The following MAGEB16 variants were observed in gnomAD, a reference collection of about 807,000 sequenced individuals.
MAGEB16 encodes the protein MAGE family member B16.
For synonymous variants in MAGEB16, 95 were observed against 92.1 expected (o/e 1.03, Z -0.18); for missense variants, 217 against 234.0 (o/e 0.93, Z 0.47).
Position 35,802,114 on chromosome X carries a change from C to CT in MAGEB16, c.-66-14dup, listed in dbSNP as rs759751118. On this transcript the variant is annotated splice_polypyrimidine_tract_variant and intron_variant, in intron 1 of 1. Coordinates refer to ENST00000399988, the Ensembl canonical transcript of MAGEB16. The stretch of plus-strand genomic sequence containing the variant: ...TTTACCAGCTGAGGACATTTACACC[C>CT]TTTCTCTCTCCCTTAGGCAGTGATT... 1.1e-5 allele frequency: 13 copies of CT among 1,148,189 alleles called. 1 individual carries two copies. In the South Asian group the frequency reaches 2.5e-4, roughly 22 times the overall value. The allele number at this position is 1,148,189 out of a possible 1,213,427, so 94.6% of individuals were successfully genotyped here.
chrX:35,802,944 A>C (rs1385600034), exon 2 of MAGEB16: 3 of 1,212,028 alleles, frequency 2.5e-6, no homozygotes. Context: ...CAGAATGCTC[A>C]TCACCAAAGA....
At chrX:35,802,187 A>G in exon 2 of MAGEB16, 1 of 1,210,964 alleles carries the variant, frequency 8.3e-7, no homozygotes, top group Non-Finnish European at 1.1e-6. Context: ...TGCCACCCAC[A>G]AGGGTCATCA....
chrX:35,799,375 G>A (rs1452142092), intron 1 of MAGEB16, among the ~76,000 whole-genome samples: 1 of 111,421 alleles, frequency 9.0e-6, no homozygotes, highest in Admixed American at 9.5e-5. Flanking sequence ...TTACCAACTA[G>A]TTTCCAATAT....
exon 2 of MAGEB16, chrX:35,802,436 A>C (rs1934871999): frequency 8.3e-7 from 1 of 1,207,189 alleles, no homozygotes; most frequent in African/African-American, 1.8e-5. Flanking sequence ...CCACCTCATC[A>C]AGTGAATCTG....
intron 1 of MAGEB16, among the ~76,000 whole-genome samples, chrX:35,799,270 G>A (rs898786984): frequency 9.0e-6 from 1 of 110,747 alleles, no homozygotes; most frequent in Non-Finnish European, 1.9e-5. Flanking sequence ...GTGTCCGTTC[G>A]TGAGGCGTTT....
exon 2 of MAGEB16, chrX:35,802,693 T>C (rs1157866452): frequency 8.3e-7 from 1 of 1,211,530 alleles, no homozygotes; most frequent in Admixed American, 2.2e-5. Context: ...GAGATGATAT[T>C]TGGCCTTGAT....
chrX:35,799,029 C>CAT (rs1335014490), intron 1 of MAGEB16, among the ~76,000 whole-genome samples: 1 of 105,026 alleles, frequency 9.5e-6, no homozygotes, highest in African/African-American at 3.7e-5. Context: ...CGCCACCATG[C>CAT]GCGGCTAATT....
At chrX:35,800,925 A>T (rs1463606556) in intron 1 of MAGEB16, among the ~76,000 whole-genome samples, 2 of 111,295 alleles carry the variant, frequency 1.8e-5, no homozygotes, top group East Asian at 5.7e-4. Context: ...TAAGCATTGG[A>T]TTGGGTGTCC....
chrX:35,803,384 C>A (rs1934884800), exon 2 of MAGEB16: 1 of 337,259 alleles, frequency 3.0e-6, no homozygotes, highest in Non-Finnish European at 5.3e-6. Context: ...ACAGTTTATT[C>A]TTTTATTTTT....
exon 2 of MAGEB16, chrX:35,803,437 T>G (rs1934885464): frequency 7.1e-6 from 2 of 279,984 alleles, no homozygotes; most frequent in Non-Finnish European, 1.3e-5. Flanking sequence ...TAATAGAAGT[T>G]TAGGTAGTTT....
chrX:35,802,033 C>T lies in MAGEB16; in HGVS notation c.-66-98C>T. The T allele has an allele frequency of 1.7e-5, 9 of 544,997 alleles. No homozygotes were observed. The South Asian group carries it at 3.2e-4, about 19-fold the overall frequency. The allele number at this position is 544,997 out of a possible 1,213,427, so 44.9% of individuals were successfully genotyped here. On this transcript the variant is annotated intron_variant, in intron 1 of 1. Coordinates refer to ENST00000399988, the Ensembl canonical transcript of MAGEB16. Reference sequence around the variant, plus strand: ...ATCAGATCTGTGAGGCTCTATAACACTGCTGTCAGGAGAAGTCTATAGGCA... The same window carrying T: ...ATCAGATCTGTGAGGCTCTATAACATTGCTGTCAGGAGAAGTCTATAGGCA...
At chrX:35,803,285 CAGTT>C (rs1467960800) in exon 2 of MAGEB16, 2 of 832,721 alleles carry the variant, frequency 2.4e-6, no homozygotes, top group Non-Finnish European at 3.3e-6. Context: ...TTGCAGAAGG[CAGTT>C]AGTGTTCAAG....
At chrX:35,802,572 C>T (rs2033594090) in exon 2 of MAGEB16, 10 of 1,209,733 alleles carry the variant, frequency 8.3e-6, no homozygotes, top group Non-Finnish European at 1.1e-5. Flanking sequence ...TTTCATGCTG[C>T]ACAAGTGTCA....
intron 1 of MAGEB16, chrX:35,800,611 A>C (rs1475460714): frequency 3.8e-6 from 2 of 522,880 alleles, no homozygotes; most frequent in Non-Finnish European, 7.0e-6. Context: ...CCCATCCCAG[A>C]TAATGAGGAC....
chrX:35,800,167 C>T (rs1934850362), intron 1 of MAGEB16, among the ~76,000 whole-genome samples: 2 of 111,272 alleles, frequency 1.8e-5, no homozygotes, highest in South Asian at 7.8e-4. Flanking sequence ...ATCAGGCCAG[C>T]AGAGAGGAGG....
rs765549566 is a variant in MAGEB16 at position 35,803,008 on chromosome X, C to G, written c.812C>G (p.Ala271Gly). The G allele has an allele frequency of 9.1e-6, 11 of 1,210,281 alleles. No homozygotes were observed. In the East Asian group the frequency reaches 1.2e-4, roughly 13 times the overall value. The change falls in exon 2 of 2, where the codon GCA becomes GGA. Residue 271 changes from alanine to glycine, a missense_variant. Coordinates refer to ENST00000399988, the Ensembl canonical transcript of MAGEB16. ...CAGCAGGTGGCCAACAGTGATCCTG[C>G]ACGATATGAATTCCTGTGGGGCCCA...
intron 1 of MAGEB16, among the ~76,000 whole-genome samples, chrX:35,799,118 G>C (rs1273448223): frequency 1.9e-5 from 2 of 105,635 alleles, no homozygotes; most frequent in African/African-American, 3.5e-5. Flanking sequence ...TCCTGACCTC[G>C]TGATCCACCT....
intron 1 of MAGEB16, among the ~76,000 whole-genome samples, chrX:35,799,133 C>T (rs1215269369): frequency 5.6e-5 from 6 of 108,071 alleles, no homozygotes; most frequent in Non-Finnish European, 9.6e-5. Context: ...CCACCTGCCT[C>T]GGCCTTCCAA....
exon 2 of MAGEB16, chrX:35,803,277 G>A: frequency 1.1e-6 from 1 of 886,334 alleles, no homozygotes; most frequent in Non-Finnish European, 1.5e-6. Context: ...TGTAACATTT[G>A]CAGAAGGCAG....
Sources: allele counts gnomAD v4.1 joint callset (sites outside exome capture counted in the v4.1 genomes callset), GRCh38; gene constraint gnomAD v4.1.1; transcripts MANE v1.5; gene names NCBI Gene and HGNC (gene_info 2026-07-23, HGNC 2026-07-21).